Variants in DUSP16 observed in about 807,000 individuals in gnomAD.
DUSP16 encodes the protein dual specificity phosphatase 16.
Under a neutral mutation model 58.3 loss-of-function variants are expected in DUSP16, and 21 were observed. The ratio of observed to expected loss-of-function variants is 0.36; its 90% CI spans 0.26 to 0.52. The LOEUF is 0.52. Ranked by LOEUF, DUSP16 falls within the 20% of genes least tolerant of loss-of-function variation. DUSP16 has a pLI of 0.94. For missense variants in DUSP16, 726 were observed against 819.0 expected, an observed-to-expected ratio of 0.89 and a Z score of 1.39; for synonymous variants, 320 against 323.8, an observed-to-expected ratio of 0.99 and a Z score of 0.12.
At chr12:12,540,939 CTTTTCTTTTCTTTTTTTTTTTT>C (rs1944545223) in intron 1 of DUSP16, among the ~76,000 whole-genome samples, 1 of 79,478 alleles carries the variant, frequency 1.3e-5, no homozygotes, top group Non-Finnish European at 2.6e-5. Flanking sequence ...TTTTTCTTTT[CTTTTCTTTTCTTTTTTTTTTTT>C]TTTTTTTTTT....
intron 1 of DUSP16, among the ~76,000 whole-genome samples, chr12:12,524,128 C>A (rs1185121512): frequency 6.6e-6 from 1 of 152,158 alleles, no homozygotes; most frequent in Non-Finnish European, 1.5e-5. Context: ...CTCATAAACC[C>A]AAAGACAGGT....
chr12:12,518,171 G>A (rs188962191), intron 3 of DUSP16, among the ~76,000 whole-genome samples: 3 of 152,278 alleles, frequency 2.0e-5, no homozygotes, highest in East Asian at 3.9e-4. Flanking sequence ...ACAAGAACAT[G>A]GTGGGATAAC....
At chr12:12,521,953 T>C (rs1566021737) in intron 1 of DUSP16, among the ~76,000 whole-genome samples, 1 of 151,548 alleles carries the variant, frequency 6.6e-6, no homozygotes, top group Non-Finnish European at 1.5e-5. Context: ...GGTAGGTGTA[T>C]ATGTGTGTAT....
Position 12,480,215 on chromosome 12 carries a change from G to T in DUSP16, c.815+8C>A. The T allele has an allele frequency of 6.2e-7, 1 of 1,613,324 alleles. No individual in the cohort carries two copies. Among genetic ancestry groups the T allele is most frequent in the East Asian group, 2.2e-5 (1 of 44,868 alleles). On this transcript the variant is annotated splice_region_variant and intron_variant, in intron 6 of 6. Coordinates refer to ENST00000298573, the MANE Select transcript of DUSP16 (RefSeq NM_030640.3). ...AGCCAATCACAGAAGACATTTTCCT[G>T]CCCTCACCTGTAAGCTTCATCTAAA...
intron 1 of DUSP16, among the ~76,000 whole-genome samples, chr12:12,558,810 T>C (rs1392890356): frequency 6.6e-6 from 1 of 152,186 alleles, no homozygotes; most frequent in Non-Finnish European, 1.5e-5. Context: ...GAGGGCATTT[T>C]TCCACTTATT....
chr12:12,515,722 G>GA (rs1330455726), intron 3 of DUSP16, among the ~76,000 whole-genome samples: 18 of 147,994 alleles, frequency 1.2e-4, no homozygotes, highest in Middle Eastern at 3.4e-3. Context: ...CTTCAAAATT[G>GA]AAAAAAAAAG....
At chr12:12,483,964 A>G (rs1038100537) in intron 5 of DUSP16, among the ~76,000 whole-genome samples, 1 of 151,886 alleles carries the variant, frequency 6.6e-6, no homozygotes, top group Non-Finnish European at 1.5e-5. Flanking sequence ...AACTTAAAGT[A>G]TAATAATAAA....
intron 4 of DUSP16, chr12:12,491,216 T>C (rs939635842): frequency 6.6e-6 from 1 of 151,568 alleles, no homozygotes; most frequent in Non-Finnish European, 1.5e-5. Flanking sequence ...GGGATCTTAA[T>C]TTTTGTTGGT....
intron 3 of DUSP16, among the ~76,000 whole-genome samples, chr12:12,510,039 G>A (rs959143409): frequency 1.3e-5 from 2 of 152,138 alleles, no homozygotes; most frequent in Admixed American, 6.5e-5. Flanking sequence ...TGATTCTGCT[G>A]TATCCACAGG....
chr12:12,521,527 A>G (rs1944237953), intron 1 of DUSP16, 64 bp from the exon 2 acceptor site: 1 of 712,282 alleles, frequency 1.4e-6, no homozygotes, highest in Non-Finnish European at 1.8e-6. Flanking sequence ...AGAGTGTCAG[A>G]TTAGAGAGAG....
intron 1 of DUSP16, among the ~76,000 whole-genome samples, chr12:12,538,799 G>A (rs1944508653): frequency 6.6e-6 from 1 of 152,084 alleles, no homozygotes; most frequent in Non-Finnish European, 1.5e-5. Flanking sequence ...TCAACTTCCT[G>A]GGTCACCATG....
intron 4 of DUSP16, among the ~76,000 whole-genome samples, chr12:12,488,409 A>G (rs1382848529): frequency 1.3e-5 from 2 of 152,202 alleles, no homozygotes; most frequent in Admixed American, 1.3e-4. Context: ...CCTGTTATGT[A>G]ATGAAGTAAT....
intron 5 of DUSP16, among the ~76,000 whole-genome samples, chr12:12,484,114 G>A (rs1251986743): frequency 9.2e-5 from 14 of 151,662 alleles, no homozygotes; most frequent in Non-Finnish European, 1.8e-4. Context: ...TTCTGCTTGA[G>A]TAAATAAAAA....
chr12:12,545,312 T>C (rs955422944), intron 1 of DUSP16, among the ~76,000 whole-genome samples: 6 of 152,136 alleles, frequency 3.9e-5, no homozygotes, highest in Non-Finnish European at 8.8e-5. Flanking sequence ...CAGGCTGGAG[T>C]GCAGTGGCAT....
chr12:12,494,554 G>A (rs1005629181), intron 4 of DUSP16, among the ~76,000 whole-genome samples: 2 of 152,142 alleles, frequency 1.3e-5, no homozygotes, highest in Non-Finnish European at 2.9e-5. Context: ...TAAAACCAAA[G>A]GGAAGGATTC....
At chr12:12,560,980 AAGAAG>A (rs1449385850) in intron 1 of DUSP16, 2 of 150,750 alleles carry the variant, frequency 1.3e-5, no homozygotes, top group Admixed American at 6.6e-5. Flanking sequence ...GCGGAAAAGA[AAGAAG>A]AGAAAGAAAC....
In DUSP16 at chr12:12,500,941, C is replaced by T. The variant is rs181705158; in HGVS notation, c.368-259G>A. On this transcript the variant is annotated intron_variant, in intron 3 of 6. Transcript: ENST00000298573. ...CCTCTCTCTCAGATATTCTCTTCAT[C>T]TTCACATACCCTACAACATTTGCTC... is the stretch of plus-strand genomic sequence containing the variant. Among the ~76,000 whole-genome samples, 621 of 152,226 alleles carry T rather than the reference C, an allele frequency of 4.1e-3. 6 individuals carry two copies. Among genetic ancestry groups the T allele is most frequent in the Middle Eastern group, 6.8e-3 (2 of 294 alleles).
At chr12:12,533,468 C>T (rs183027815) in intron 1 of DUSP16, among the ~76,000 whole-genome samples, 11 of 152,286 alleles carry the variant, frequency 7.2e-5, no homozygotes, top group East Asian at 1.9e-4. Flanking sequence ...CAAGGCCCTG[C>T]GGCTAAAAAT....
At chr12:12,515,890 C>T (rs986973784) in intron 3 of DUSP16, among the ~76,000 whole-genome samples, 1 of 152,134 alleles carries the variant, frequency 6.6e-6, no homozygotes, top group Non-Finnish European at 1.5e-5. Flanking sequence ...ATTCTCCTGC[C>T]TCAGCCTCCT....
Sources: gnomAD v4.1 joint callset for allele counts (sites outside exome capture counted in the v4.1 genomes callset) on GRCh38, gnomAD v4.1.1 for gene constraint, MANE v1.5 for transcripts, NCBI Gene and HGNC (gene_info 2026-07-23, HGNC 2026-07-21) for gene names.